KCNMA1: variants seen among roughly 807,000 people sequenced by gnomAD.
KCNMA1 encodes potassium calcium-activated channel subfamily M alpha 1.
A neutral mutation model predicts 140.0 loss-of-function variants in KCNMA1; 29 were observed. The ratio of observed to expected loss-of-function variants is 0.21; its 90% CI spans 0.15 to 0.28. KCNMA1 has a LOEUF of 0.28. KCNMA1 is among the 10% of genes least tolerant of loss of function. The pLI is 1.00. For missense variants in KCNMA1, 880 were observed against 1,602.2 expected (o/e 0.55, Z 7.70); for synonymous variants, 612 against 611.9 (o/e 1.00, Z 0.00).
At chr10:77,555,353 T>C (rs1281633251) in intron 1 of KCNMA1, among the ~76,000 whole-genome samples, 1 of 151,866 alleles carries the variant, frequency 6.6e-6, no homozygotes, top group Non-Finnish European at 1.5e-5. Context: ...AGGATGAGAG[T>C]ATCCAGGACT....
At chr10:77,119,405 C>T (rs1305370809) in intron 6 of KCNMA1, among the ~76,000 whole-genome samples, 1 of 152,108 alleles carries the variant, frequency 6.6e-6, no homozygotes, top group African/African-American at 2.4e-5. Context: ...AGACACTACC[C>T]AATGTTAGAG....
chr10:77,555,417 TAAC>T (rs2064037192), intron 1 of KCNMA1, among the ~76,000 whole-genome samples: 1 of 152,002 alleles, frequency 6.6e-6, no homozygotes, highest in East Asian at 1.9e-4. Flanking sequence ...CTTGGAGAAA[TAAC>T]CTAAAGATTA....
intron 2 of KCNMA1, among the ~76,000 whole-genome samples, chr10:77,384,080 T>C (rs12766914): frequency 1.3e-5 from 2 of 152,212 alleles, no homozygotes; most frequent in Non-Finnish European, 2.9e-5. Context: ...ACTCTAATGG[T>C]TCTAGATCAG....
chr10:77,173,026 C>T (rs143918903), intron 5 of KCNMA1, among the ~76,000 whole-genome samples: 4 of 152,268 alleles, frequency 2.6e-5, no homozygotes, highest in Middle Eastern at 6.8e-3. Flanking sequence ...ATCTCCAACA[C>T]GACGGCATTG....
chr10:77,358,498 A>C (rs1347204890), intron 2 of KCNMA1, among the ~76,000 whole-genome samples: 3 of 152,062 alleles, frequency 2.0e-5, no homozygotes. Flanking sequence ...GACACTGCCT[A>C]GGACCTAACA....
chr10:77,508,336 G>A (rs543101724), intron 1 of KCNMA1, among the ~76,000 whole-genome samples: 159 of 114,690 alleles, frequency 1.4e-3, no homozygotes, highest in Non-Finnish European at 2.2e-3. Context: ...CACCATGCCT[G>A]GCTATTTTTT....
At chr10:76,990,201 C>T (rs1341972727) in intron 19 of KCNMA1, among the ~76,000 whole-genome samples, 1 of 152,156 alleles carries the variant, frequency 6.6e-6, no homozygotes, top group East Asian at 1.9e-4. Context: ...CCTTGAGAAG[C>T]ACAAAGACTC....
chr10:76,876,980 T>C (rs1216126482), downstream of KCNMA1: 1 of 152,620 alleles, frequency 6.6e-6, no homozygotes, highest in Non-Finnish European at 1.5e-5. Context: ...ACATCCCAGG[T>C]GTGCCCACAA....
At chr10:77,517,130 T>G (rs1266863601) in intron 1 of KCNMA1, among the ~76,000 whole-genome samples, 1 of 151,960 alleles carries the variant, frequency 6.6e-6, no homozygotes, top group Non-Finnish European at 1.5e-5. Context: ...TGATGCAAAC[T>G]CAGGCTGGAG....
At chr10:77,552,030 G>C (rs2062988529) in intron 1 of KCNMA1, among the ~76,000 whole-genome samples, 1 of 152,140 alleles carries the variant, frequency 6.6e-6, no homozygotes, top group Non-Finnish European at 1.5e-5. Context: ...TCTGACCCAT[G>C]GTGGGAAAAA....
rs146853274 is a variant in KCNMA1, at chr10:77,292,857, A to G, written c.541-41601T>C. 2.1e-3 allele frequency among the ~76,000 whole-genome samples: 319 copies of G among 152,372 alleles called. 1 individual carries two copies. Among genetic ancestry groups the G allele is most frequent in the African/African-American group, 7.1e-3 (297 of 41,594 alleles). On this transcript the variant is annotated intron_variant, in intron 2 of 27. Coordinates refer to ENST00000286628, the MANE Select transcript of KCNMA1 (RefSeq NM_001161352.2). Reference sequence around the variant, plus strand: ...CATTCCAGTGGGCAGGAATACAATAAGCAAGTAAGCATTCAAATACATGAA... The same window carrying G: ...CATTCCAGTGGGCAGGAATACAATAGGCAAGTAAGCATTCAAATACATGAA...
intron 1 of KCNMA1, among the ~76,000 whole-genome samples, chr10:77,608,992 G>T (rs1214514749): frequency 1.3e-5 from 2 of 152,190 alleles, no homozygotes; most frequent in African/African-American, 4.8e-5. Flanking sequence ...TACACTGTTG[G>T]TGGGACTGTA....
chr10:77,441,630 A>C (rs931358850), intron 1 of KCNMA1, among the ~76,000 whole-genome samples: 15 of 152,010 alleles, frequency 9.9e-5, no homozygotes, highest in Admixed American at 9.2e-4. Context: ...TGTTGACCAA[A>C]AACACACTGA....
chr10:77,076,550 G>T (rs188548301), intron 13 of KCNMA1, among the ~76,000 whole-genome samples: 92 of 152,294 alleles, frequency 6.0e-4, no homozygotes, highest in Admixed American at 1.8e-3. Flanking sequence ...GTCGGTGGCA[G>T]TAAGCTCTTC....
At chr10:77,154,977 G>T (rs1306915234) in intron 5 of KCNMA1, among the ~76,000 whole-genome samples, 1 of 152,200 alleles carries the variant, frequency 6.6e-6, no homozygotes, top group Non-Finnish European at 1.5e-5. Context: ...TGAAGGGAGA[G>T]AGTGGGCCAT....
At chr10:77,491,667 G>T (rs74938684) in intron 1 of KCNMA1, among the ~76,000 whole-genome samples, 3,343 of 151,428 alleles carry the variant, frequency 0.022, 67 homozygotes, top group East Asian at 0.049. Flanking sequence ...GAACAAAAGG[G>T]TGCAAACTGT....
intron 1 of KCNMA1, among the ~76,000 whole-genome samples, chr10:77,626,874 C>CA (rs907105292): frequency 3.3e-4 from 51 of 152,288 alleles, no homozygotes; most frequent in African/African-American, 1.1e-3. Flanking sequence ...TTCATTAAGA[C>CA]AAAGGTGAGG....
chr10:77,478,101 T>G (rs2098314413), intron 1 of KCNMA1, among the ~76,000 whole-genome samples: 1 of 152,234 alleles, frequency 6.6e-6, no homozygotes, highest in Admixed American at 6.5e-5. Context: ...ATGCATTCTC[T>G]GAGTTTATTA....
intron 22 of KCNMA1, among the ~76,000 whole-genome samples, chr10:76,947,015 A>C (rs2064198239): frequency 6.6e-6 from 1 of 152,166 alleles, no homozygotes; most frequent in Non-Finnish European, 1.5e-5. Context: ...ATTCATATAC[A>C]TGAAGAAAGA....
Sources: gnomAD v4.1 joint callset for allele counts (sites outside exome capture counted in the v4.1 genomes callset) on GRCh38, gnomAD v4.1.1 for gene constraint, MANE v1.5 for transcripts, NCBI Gene and HGNC (gene_info 2026-07-23, HGNC 2026-07-21) for gene names.